Variants in DENND2B observed in about 807,000 individuals in gnomAD.
DENND2B encodes DENN domain-containing protein 2B.
Under a neutral mutation model 116.0 loss-of-function variants are expected in DENND2B, and 32 were observed. The ratio of observed to expected loss-of-function variants is 0.28; its 90% confidence interval spans 0.21 to 0.37. The LOEUF (loss-of-function observed/expected upper bound fraction) is 0.37. Ranked by LOEUF, DENND2B falls within the 10% of genes least tolerant of loss-of-function variation. DENND2B has a pLI of 1.00. For missense variants in DENND2B, 1,276 were observed against 1,477.7 expected, an observed-to-expected ratio of 0.86 and a Z score of 2.24; for synonymous variants, 588 against 583.9, an observed-to-expected ratio of 1.01 and a Z score of -0.10.
At chr11:8,848,618 T>C (rs1442469436) in intron 3 of DENND2B, among the ~76,000 whole-genome samples, 1 of 152,158 alleles carries the variant, frequency 6.6e-6, no homozygotes, top group African/African-American at 2.4e-5. Flanking sequence ...TCCCGAAATA[T>C]TATTGGGTAA....
intron 4 of DENND2B, among the ~76,000 whole-genome samples, chr11:8,837,337 C>T (rs1291497009): frequency 1.3e-5 from 2 of 150,276 alleles, no homozygotes; most frequent in Admixed American, 6.7e-5. Context: ...AGGACACCTA[C>T]TCAGTTGTTT....
At chr11:8,811,081 A>G, upstream of DENND2B, 1 of 388,728 alleles carries the variant, frequency 2.6e-6, no homozygotes. Flanking sequence ...AGCTAGCTGA[A>G]GCGCTTGAAG....
chr11:8,714,903 C>A, intron 6 of DENND2B, 197 bp from the exon 7 acceptor site: 1 of 568,000 alleles, frequency 1.8e-6, no homozygotes, highest in South Asian at 2.1e-5. Flanking sequence ...TCTCCATATA[C>A]CTAGTCCCCC....
intron 3 of DENND2B, 123 bp from the exon 4 acceptor site, chr11:8,726,332 A>C: frequency 3.8e-6 from 5 of 1,329,568 alleles, no homozygotes; most frequent in South Asian, 3.0e-5. Context: ...CTGAAAGAGC[A>C]TCAAGGTGGG....
At chr11:8,706,286 G>C (rs1030667560) in intron 13 of DENND2B, among the ~76,000 whole-genome samples, 23 of 152,036 alleles carry the variant, frequency 1.5e-4, no homozygotes, top group Admixed American at 1.4e-3. Context: ...GAAAATATAC[G>C]TCAGATCTTA....
chr11:8,884,186 C>G (rs2063933669), intron 1 of DENND2B, among the ~76,000 whole-genome samples: 2 of 151,758 alleles, frequency 1.3e-5, no homozygotes, highest in African/African-American at 2.4e-5. Flanking sequence ...ACGATTCAAC[C>G]AACATTTATT....
chr11:8,781,574 T>C (rs2058376396), intron 1 of DENND2B, among the ~76,000 whole-genome samples: 1 of 151,892 alleles, frequency 6.6e-6, no homozygotes, highest in Admixed American at 6.6e-5. Flanking sequence ...TGTTGGATGT[T>C]CTGTAAACCA....
intron 1 of DENND2B, among the ~76,000 whole-genome samples, chr11:8,769,406 C>T (rs911464547): frequency 1.4e-4 from 21 of 151,712 alleles, no homozygotes; most frequent in African/African-American, 5.1e-4. Context: ...GTATGGGAGG[C>T]ATACCACCAC....
intron 1 of DENND2B, among the ~76,000 whole-genome samples, chr11:8,884,029 A>T (rs1226683325): frequency 2.6e-5 from 4 of 152,190 alleles, no homozygotes; most frequent in Non-Finnish European, 5.9e-5. Flanking sequence ...TTTGTATCTT[A>T]GTTGACTTCT....
intron 1 of DENND2B, among the ~76,000 whole-genome samples, chr11:8,898,403 G>A (rs958719531): frequency 1.3e-5 from 2 of 151,882 alleles, no homozygotes; most frequent in African/African-American, 4.8e-5. Flanking sequence ...ATAAAAACAA[G>A]AATTAGAAAG....
intron 2 of DENND2B, among the ~76,000 whole-genome samples, chr11:8,731,978 G>A (rs1396939936): frequency 6.6e-6 from 1 of 152,182 alleles, no homozygotes. Flanking sequence ...TCTCCCCTGG[G>A]ACTTCTGCTA....
At chr11:8,744,054 G>A (rs897946624) in intron 2 of DENND2B, among the ~76,000 whole-genome samples, 2 of 151,774 alleles carry the variant, frequency 1.3e-5, no homozygotes, top group Admixed American at 1.3e-4. Flanking sequence ...TGGCCAAGGG[G>A]CTTATCTTGA....
intron 2 of DENND2B, among the ~76,000 whole-genome samples, chr11:8,732,353 G>C (rs1015376814): frequency 1.3e-5 from 2 of 152,200 alleles, no homozygotes; most frequent in African/African-American, 4.8e-5. Flanking sequence ...GCACAGAAAG[G>C]TTTAATATCT....
intron 1 of DENND2B, among the ~76,000 whole-genome samples, chr11:8,887,525 T>G (rs2063975707): frequency 6.6e-6 from 1 of 152,246 alleles, no homozygotes; most frequent in East Asian, 1.9e-4. Context: ...ATGTGTTAAC[T>G]GATAATATCT....
At chr11:8,713,866 A>G (rs1445047270) in intron 8 of DENND2B, 132 bp downstream of exon 8, 1 of 906,188 alleles carries the variant, frequency 1.1e-6, no homozygotes, top group Non-Finnish European at 1.8e-6. Context: ...TTGTTCTGGT[A>G]TCTGGCCTGT....
upstream of DENND2B, among the ~76,000 whole-genome samples, chr11:8,814,371 C>CTTGT: frequency 6.6e-6 from 1 of 150,636 alleles, no homozygotes; most frequent in East Asian, 2.0e-4. Context: ...TTACCAGGAC[C>CTTGT]TACAAGGCCC....
chr11:8,785,455 T>A (rs1342505814), intron 1 of DENND2B: 1 of 152,244 alleles, frequency 6.6e-6, no homozygotes, highest in Non-Finnish European at 1.5e-5. Flanking sequence ...AAGGAGCACT[T>A]CATGAAGGTA....
chr11:8,897,140 C>T (rs2064112316), intron 1 of DENND2B, among the ~76,000 whole-genome samples: 1 of 151,860 alleles, frequency 6.6e-6, no homozygotes, highest in South Asian at 2.1e-4. Context: ...GCCTGTAATC[C>T]CAGCTACTCT....
At chr11:8,704,354 G>C (rs1442954560) in intron 13 of DENND2B, among the ~76,000 whole-genome samples, 3 of 152,222 alleles carry the variant, frequency 2.0e-5, no homozygotes, top group Non-Finnish European at 2.9e-5. Context: ...CTAGGCAAAA[G>C]GAAGTAGGGT....
Sources: allele counts gnomAD v4.1 joint callset (sites outside exome capture counted in the v4.1 genomes callset), GRCh38; gene constraint gnomAD v4.1.1; transcripts MANE v1.5; gene names NCBI Gene and HGNC (gene_info 2026-07-23, HGNC 2026-07-21).